The following FAM117B variants were observed in gnomAD, a reference collection of about 807,000 sequenced individuals.
The protein encoded by FAM117B is family with sequence similarity 117 member B, also known as protein FAM117B.
In FAM117B, 22 loss-of-function variants were observed where a neutral mutation model predicts 52.8. The observed-to-expected ratio is 0.42, with a 90% confidence interval of 0.30 to 0.59. The LOEUF (loss-of-function observed/expected upper bound fraction) is 0.59, where lower values mean the gene tolerates loss of function less well. Among genes scored for constraint, FAM117B ranks in the 20% least tolerant of loss-of-function variants. The pLI is 0.22. For synonymous variants in FAM117B, 309 were observed against 324.1 expected (o/e 0.95, Z 0.50); for missense variants, 678 against 802.6 (o/e 0.84, Z 1.88).
At chr2:202,670,748 C>T (rs1268817095) in intron 1 of FAM117B, among the ~76,000 whole-genome samples, 1 of 152,146 alleles carries the variant, frequency 6.6e-6, no homozygotes, top group East Asian at 1.9e-4. Flanking sequence ...CATTCTGCGC[C>T]CATTTCAGAG....
At position 202,635,627 on chromosome 2, in the gene FAM117B, T is replaced by C; in HGVS notation, c.440T>C (p.Leu147Pro). ...CGGCCGCCGCCGCCGCCGCCGCTGC[T>C]GGGCACCGTGTCGTCGCCCAGCTCG... ...PPRPPPPPPL[L>P]GTVSSPSSSP... Residue 147 changes from leucine to proline, a missense_variant, in exon 1 of 8, where the codon CTG becomes CCG. Physicochemically the swap from Leu to Pro is moderately conservative, Grantham distance 98. Around this residue, in one of 3 missense-constraint regions of FAM117B, gnomAD observed 583 missense variants for 644.8 expected, o/e 0.90. Coordinates refer to ENST00000392238, the MANE Select transcript of FAM117B (RefSeq NM_173511.4). The C allele has an allele frequency of 7.6e-7, 1 of 1,318,054 alleles. No homozygotes were observed. Among genetic ancestry groups the C allele is most frequent in the Non-Finnish European group, 9.6e-7 (1 of 1,037,804 alleles). The allele number at this position is 1,318,054 out of a possible 1,614,324, so 81.6% of individuals were successfully genotyped here. A position where few individuals can be genotyped will look rare whatever the true frequency, so the allele number is the denominator to read the frequency against.
chr2:202,635,877 T>A (rs1689676973), intron 1 of FAM117B, 89 bp downstream of exon 1: 1 of 1,214,458 alleles, frequency 8.2e-7, no homozygotes, highest in South Asian at 2.8e-5. Context: ...ACTGCAGAGC[T>A]GCCGCGGAGC....
Position 202,691,696 on chromosome 2 carries a change from T to TGCGC in FAM117B, c.602-4184_602-4183insCGCG, listed in dbSNP as rs1407882035. ...GTGTGTGTGTGTGTGTGTGTGTGTG[T>TGCGC]GTGCGCGCGCGCCTCCCCACCCTGC... On this transcript the variant is annotated intron_variant, in intron 1 of 7. Coordinates refer to ENST00000392238, the MANE Select transcript of FAM117B (RefSeq NM_173511.4). 1.5e-3 allele frequency among the ~76,000 whole-genome samples: 197 copies of TGCGC among 129,508 alleles called. 1 individual carries two copies. Among genetic ancestry groups the TGCGC allele is most frequent in the South Asian group, 2.4e-3 (10 of 4,104 alleles). The allele number at this position is 129,508 out of a possible 152,430, so 85.0% of individuals were successfully genotyped here. A position where few individuals can be genotyped will look rare whatever the true frequency, so the allele number is the denominator to read the frequency against.
chr2:202,687,126 A>C (rs189077843), intron 1 of FAM117B, among the ~76,000 whole-genome samples: 2 of 152,296 alleles, frequency 1.3e-5, no homozygotes, highest in Admixed American at 6.5e-5. Context: ...AAAAGGAATG[A>C]ACTGTTACAT....
rs1442427540 is a variant in FAM117B at position 202,768,771 on chromosome 2, A to C, written c.*3007A>C. Reference sequence around the variant, plus strand: ...ATAGAATAGCTTCAATGGGAATATAATTTAAATTTTTTTAATTTTATAAAA... The same window carrying C: ...ATAGAATAGCTTCAATGGGAATATACTTTAAATTTTTTTAATTTTATAAAA... On this transcript the variant is annotated 3_prime_UTR_variant, in exon 8 of 8. Transcript: ENST00000392238. The C allele has an allele frequency of 6.6e-6, 1 of 152,436 alleles. No homozygotes were observed. The highest frequency in any genetic ancestry group is 6.5e-5 in the Admixed American group (1 of 15,284). The allele number at this position is 152,436 out of a possible 1,614,324, so 9.4% of individuals were successfully genotyped here.
chr2:202,645,882 G>A (rs1574539159), intron 1 of FAM117B, among the ~76,000 whole-genome samples: 1 of 151,692 alleles, frequency 6.6e-6, no homozygotes, highest in African/African-American at 2.4e-5. Flanking sequence ...TGGGATTACA[G>A]GAGTGAGCCA....
intron 4 of FAM117B, among the ~76,000 whole-genome samples, chr2:202,746,153 A>G (rs1691628060): frequency 6.6e-6 from 1 of 152,162 alleles, no homozygotes; most frequent in Non-Finnish European, 1.5e-5. Flanking sequence ...ACACATACAC[A>G]TATCAGCACA....
At chr2:202,730,275 C>T (rs1205623761) in intron 4 of FAM117B, among the ~76,000 whole-genome samples, 1 of 152,072 alleles carries the variant, frequency 6.6e-6, no homozygotes, top group Admixed American at 6.5e-5. Context: ...GCATTGTAAC[C>T]TCAGAGTCTG....
At chr2:202,636,926 C>CA (rs1263170192) in intron 1 of FAM117B, among the ~76,000 whole-genome samples, 1 of 152,154 alleles carries the variant, frequency 6.6e-6, no homozygotes, top group Non-Finnish European at 1.5e-5. Flanking sequence ...TTTTTTGAGA[C>CA]AGAGTTTCTG....
At chr2:202,674,344 G>A (rs760080530) in intron 1 of FAM117B, among the ~76,000 whole-genome samples, 1 of 152,154 alleles carries the variant, frequency 6.6e-6, no homozygotes, top group Non-Finnish European at 1.5e-5. Flanking sequence ...TCTGGGCTCC[G>A]TACATATATG....
intron 7 of FAM117B, among the ~76,000 whole-genome samples, chr2:202,763,017 C>A (rs1691918945): frequency 6.7e-6 from 1 of 149,162 alleles, no homozygotes; most frequent in South Asian, 2.1e-4. Flanking sequence ...GTTTGTACTT[C>A]AGAAATGTGA....
At chr2:202,714,156 G>T (rs539022766) in intron 2 of FAM117B, among the ~76,000 whole-genome samples, 1 of 151,858 alleles carries the variant, frequency 6.6e-6, no homozygotes, top group African/African-American at 2.4e-5. Context: ...TTATTCCACT[G>T]TGGTCAGTGA....
At chr2:202,646,388 G>A (rs1689864232) in intron 1 of FAM117B, among the ~76,000 whole-genome samples, 1 of 152,206 alleles carries the variant, frequency 6.6e-6, no homozygotes, top group African/African-American at 2.4e-5. Context: ...TGCTTGTCTG[G>A]AGCATGTTAC....
At chr2:202,740,350 A>G (rs1032628540) in intron 4 of FAM117B, among the ~76,000 whole-genome samples, 1 of 131,392 alleles carries the variant, frequency 7.6e-6, no homozygotes, top group African/African-American at 3.1e-5. Context: ...ACAGAACGAG[A>G]CTCTGCCTCA....
chr2:202,690,945 G>A (rs1228747056), intron 1 of FAM117B, among the ~76,000 whole-genome samples: 1 of 151,994 alleles, frequency 6.6e-6, no homozygotes, highest in African/African-American at 2.4e-5. Context: ...CAGGGTAGAT[G>A]TAGACTGTGT....
At chr2:202,696,158 A>G in intron 2 of FAM117B, 126 bp downstream of exon 2, 1 of 1,066,244 alleles carries the variant, frequency 9.4e-7, no homozygotes, top group African/African-American at 1.6e-5. Context: ...GAAACTTACC[A>G]AAAAGAGCAG....
chr2:202,658,164 C>T (rs1477200723), intron 1 of FAM117B, among the ~76,000 whole-genome samples: 1 of 152,122 alleles, frequency 6.6e-6, no homozygotes, highest in African/African-American at 2.4e-5. Flanking sequence ...ATATTTATTA[C>T]TTCATTTGCA....
At chr2:202,671,753 C>T (rs1471099505) in intron 1 of FAM117B, among the ~76,000 whole-genome samples, 2 of 152,234 alleles carry the variant, frequency 1.3e-5, no homozygotes, top group Non-Finnish European at 2.9e-5. Context: ...AACCATGCCG[C>T]TCCCACGCTG....
intron 4 of FAM117B, among the ~76,000 whole-genome samples, chr2:202,752,416 CTT>C (rs57518801): frequency 1.1e-3 from 146 of 136,694 alleles, no homozygotes; most frequent in African/African-American, 3.6e-3. Flanking sequence ...TATGCTTTTT[CTT>C]TTTTTTTTTT....
Sources: gnomAD v4.1 joint callset for allele counts (sites outside exome capture counted in the v4.1 genomes callset) on GRCh38, gnomAD v4.1.1 for gene constraint, gnomAD v4.1.1 regional missense constraint, MANE v1.5 for transcripts, NCBI Gene and HGNC (gene_info 2026-07-23, HGNC 2026-07-21) for gene names.